FHIT: variants seen among roughly 807,000 people sequenced by gnomAD.
The protein encoded by FHIT is bis(5'-adenosyl)-triphosphatase.
Under a neutral mutation model 17.9 loss-of-function variants are expected in FHIT, and 19 were observed. The observed-to-expected ratio is 1.06, with a 90% CI of 0.74 to 1.56. The LOEUF (loss-of-function observed/expected upper bound fraction) is 1.56, where lower values mean the gene tolerates loss of function less well. Ranked by LOEUF, FHIT falls within the 40% of genes most tolerant of loss-of-function variation. FHIT has a pLI of 0.00. For synonymous variants in FHIT, 81 were observed against 69.7 expected (o/e 1.16, Z -0.81); for missense variants, 248 against 189.2 (o/e 1.31, Z -1.82).
intron 8 of FHIT, among the ~76,000 whole-genome samples, chr3:59,876,251 G>A (rs1009278690): frequency 1.3e-5 from 2 of 151,936 alleles, no homozygotes; most frequent in Non-Finnish European, 2.9e-5. Flanking sequence ...CATTAATTAG[G>A]TATCTGAATA....
Position 59,959,059 on chromosome 3 carries a change from G to T in FHIT, c.280-36645C>A, listed in dbSNP as rs554043305. 2.3e-4 allele frequency among the ~76,000 whole-genome samples: 35 copies of T among 152,296 alleles called. No individual in the cohort carries two copies. The East Asian group carries it at 4.1e-3, about 18-fold the overall frequency. On this transcript the variant is annotated intron_variant, in intron 7 of 9. Coordinates refer to ENST00000492590, the MANE Select transcript of FHIT (RefSeq NM_002012.4). ...CCCACATTTGTTAATGACCTCCAGG[G>T]TCCTCTCCCCTGGCAAGAGATAGAC...
At chr3:60,149,301 C>T (rs1476637980) in intron 5 of FHIT, among the ~76,000 whole-genome samples, 1 of 151,340 alleles carries the variant, frequency 6.6e-6, no homozygotes, top group Non-Finnish European at 1.5e-5. Flanking sequence ...ACACAGTCCA[C>T]CAGCAGAAAT....
At chr3:60,337,766 G>C (rs1710313767) in intron 5 of FHIT, among the ~76,000 whole-genome samples, 1 of 152,146 alleles carries the variant, frequency 6.6e-6, no homozygotes, top group South Asian at 2.1e-4. Flanking sequence ...TGACATACAG[G>C]TGTACCTGGG....
chr3:60,561,616 T>A (rs1576882306), intron 4 of FHIT, among the ~76,000 whole-genome samples: 1 of 152,254 alleles, frequency 6.6e-6, no homozygotes, highest in East Asian at 1.9e-4. Context: ...TTATCCAGGA[T>A]GACTTGAAAA....
At chr3:59,988,112 A>T (rs1425304875) in intron 7 of FHIT, among the ~76,000 whole-genome samples, 1 of 151,980 alleles carries the variant, frequency 6.6e-6, no homozygotes. Flanking sequence ...TGAGTCTCTG[A>T]CTCTTCCTGG....
At chr3:60,458,366 G>C (rs1392078352) in intron 5 of FHIT, among the ~76,000 whole-genome samples, 2 of 150,988 alleles carry the variant, frequency 1.3e-5, no homozygotes, top group Non-Finnish European at 2.9e-5. Context: ...TCACTCATAG[G>C]TGGGAATTGA....
Position 60,749,984 on chromosome 3 carries a change from C to T in FHIT, c.-18+71935G>A, listed in dbSNP as rs569904561. On this transcript the variant is annotated intron_variant, in intron 4 of 9. Transcript: ENST00000492590. ...GAACTTTTTCTATGTCATTTTATGACGTAGGCACTACCTCTATTTCATTAA... is the reference window on the plus strand; with the variant it reads ...GAACTTTTTCTATGTCATTTTATGATGTAGGCACTACCTCTATTTCATTAA... 1.3e-4 allele frequency among the ~76,000 whole-genome samples: 20 copies of T among 152,246 alleles called. No homozygotes were observed. In the East Asian group the frequency reaches 1.5e-3, roughly 12 times the overall value.
chr3:59,947,800 G>T lies in FHIT; in HGVS notation c.280-25386C>A, dbSNP rs1706889813. Among the ~76,000 whole-genome samples, 2 of 152,326 alleles carry T rather than the reference G, an allele frequency of 1.3e-5. 1 individual carries two copies. The highest frequency in any genetic ancestry group is 4.1e-4 in the South Asian group (2 of 4,828). On this transcript the variant is annotated intron_variant, in intron 7 of 9. Transcript: ENST00000492590. ...GCACTTCACTGGGGCAGTGGCAGCAGGATCCATGCTTACTAGCATGTGCTG... is the reference window on the plus strand; with the variant it reads ...GCACTTCACTGGGGCAGTGGCAGCATGATCCATGCTTACTAGCATGTGCTG...
intron 4 of FHIT, among the ~76,000 whole-genome samples, chr3:60,589,750 C>G (rs1553663464): frequency 3.9e-5 from 6 of 152,036 alleles, no homozygotes; most frequent in Non-Finnish European, 8.8e-5. Flanking sequence ...TTGTTTCCCC[C>G]ACACCTTCAC....
intron 8 of FHIT, among the ~76,000 whole-genome samples, chr3:59,850,567 A>G (rs538110705): frequency 3.3e-5 from 5 of 152,198 alleles, no homozygotes; most frequent in Non-Finnish European, 7.4e-5. Context: ...AGGTCAAGCT[A>G]TTAGAGTTAA....
At chr3:60,448,995 G>A (rs1451775337) in intron 5 of FHIT, among the ~76,000 whole-genome samples, 1 of 152,048 alleles carries the variant, frequency 6.6e-6, no homozygotes, top group Non-Finnish European at 1.5e-5. Flanking sequence ...TGAAGCATCT[G>A]GTCTGCTCTT....
chr3:60,838,701 AT>A (rs1338127802), intron 3 of FHIT, among the ~76,000 whole-genome samples: 1 of 152,272 alleles, frequency 6.6e-6, no homozygotes, highest in South Asian at 2.1e-4. Context: ...AGCTAAAAAA[AT>A]ATACAATAAA....
intron 5 of FHIT, among the ~76,000 whole-genome samples, chr3:60,041,997 T>C (rs1029929512): frequency 2.6e-5 from 4 of 152,218 alleles, no homozygotes; most frequent in African/African-American, 9.6e-5. Flanking sequence ...AAAAAAATAA[T>C]ACTCCTTATT....
intron 4 of FHIT, among the ~76,000 whole-genome samples, chr3:60,583,402 G>A (rs570393746): frequency 1.3e-5 from 2 of 152,042 alleles, no homozygotes; most frequent in South Asian, 4.2e-4. Context: ...AAATATTTCA[G>A]GTTCTTCAGG....
intron 4 of FHIT, among the ~76,000 whole-genome samples, chr3:60,643,078 A>G (rs75967962): frequency 0.013 from 1,929 of 152,254 alleles, 20 homozygotes; most frequent in Middle Eastern, 0.027. Flanking sequence ...TTTGAGTACC[A>G]TTGCATTTCC....
intron 5 of FHIT, among the ~76,000 whole-genome samples, chr3:60,049,791 G>C (rs1701799741): frequency 1.3e-5 from 2 of 152,148 alleles, no homozygotes; most frequent in African/African-American, 2.4e-5. Flanking sequence ...AGACAGGGGT[G>C]ATCTAGGTTT....
chr3:60,162,382 G>T (rs2107370067), intron 5 of FHIT, among the ~76,000 whole-genome samples: 1 of 152,280 alleles, frequency 6.6e-6, no homozygotes, highest in East Asian at 1.9e-4. Context: ...AATGCCAGAA[G>T]TAAGGGTCGG....
At chr3:60,723,938 T>C (rs2041862655) in intron 4 of FHIT, among the ~76,000 whole-genome samples, 2 of 152,230 alleles carry the variant, frequency 1.3e-5, no homozygotes, top group South Asian at 2.1e-4. Flanking sequence ...GCTTCTTTCA[T>C]AGAAAACAAG....
rs62238508 is a variant in FHIT at position 60,203,217 on chromosome 3, A to C, written c.104-189065T>G. 3.7e-3 allele frequency among the ~76,000 whole-genome samples: 563 copies of C among 152,322 alleles called. 1 individual carries two copies. Among genetic ancestry groups the C allele is most frequent in the Non-Finnish European group, 6.0e-3 (409 of 68,038 alleles). On this transcript the variant is annotated intron_variant, in intron 5 of 9. Transcript: ENST00000492590. ...TTTTTGCAACTCCTGTGAATGTTGA[A>C]TTATTTCAAAACACAAAGTTAAAAA...
Sources: allele counts gnomAD v4.1 joint callset (sites outside exome capture counted in the v4.1 genomes callset), GRCh38; gene constraint gnomAD v4.1.1; transcripts MANE v1.5; gene names NCBI Gene and HGNC (gene_info 2026-07-23, HGNC 2026-07-21).